The following MIR2052HG variants were observed in gnomAD, a reference collection of about 807,000 sequenced individuals.
The protein encoded by MIR2052HG is MIR2052 host gene.
intron 4 of MIR2052HG, among the ~76,000 whole-genome samples, chr8:74,745,711 G>T (rs1334981146): frequency 6.6e-6 from 1 of 152,176 alleles, no homozygotes; most frequent in Non-Finnish European, 1.5e-5. Flanking sequence ...TATGTGGATG[G>T]CTACAGCTAT....
chr8:74,680,840 T>G (rs1379952315), intron 2 of MIR2052HG, among the ~76,000 whole-genome samples: 1 of 151,086 alleles, frequency 6.6e-6, no homozygotes, highest in Admixed American at 6.6e-5. Context: ...TAGACTGGAT[T>G]AAGAAAATGT....
intron 2 of MIR2052HG, among the ~76,000 whole-genome samples, chr8:74,701,797 T>C (rs574429941): frequency 6.6e-6 from 1 of 152,254 alleles, no homozygotes; most frequent in Non-Finnish European, 1.5e-5. Flanking sequence ...AGAAAGTCAA[T>C]GGTCTCAAAA....
intron 2 of MIR2052HG, among the ~76,000 whole-genome samples, chr8:74,645,562 G>A (rs922628475): frequency 2.0e-5 from 3 of 152,208 alleles, no homozygotes; most frequent in South Asian, 2.1e-4. Context: ...TGGGATTACC[G>A]GCGCGAGCCA....
intron 2 of MIR2052HG, among the ~76,000 whole-genome samples, chr8:74,675,536 A>G (rs1809041795): frequency 6.6e-6 from 1 of 152,016 alleles, no homozygotes; most frequent in South Asian, 2.1e-4. Flanking sequence ...CAATCCCTGA[A>G]GATACCACAG....
At chr8:74,636,207 C>G (rs115150802) in intron 2 of MIR2052HG, among the ~76,000 whole-genome samples, 1,698 of 152,240 alleles carry the variant, frequency 0.011, 26 homozygotes, top group African/African-American at 0.038. Flanking sequence ...CCAGAAGGTT[C>G]AGAAGTTGAC....
At chr8:74,611,755 C>T (rs1431842963) in intron 1 of MIR2052HG, among the ~76,000 whole-genome samples, 1 of 152,128 alleles carries the variant, frequency 6.6e-6, no homozygotes, top group Non-Finnish European at 1.5e-5. Flanking sequence ...TTTATGGCTC[C>T]TCATGTAAAT....
At chr8:74,723,043 A>T (rs996085223) in intron 4 of MIR2052HG, among the ~76,000 whole-genome samples, 2 of 152,210 alleles carry the variant, frequency 1.3e-5, no homozygotes, top group Non-Finnish European at 2.9e-5. Flanking sequence ...CTTGAATTTC[A>T]TGATAGAAAT....
rs72103010 is a variant in MIR2052HG at position 74,746,567 on chromosome 8, A to AGTGTGTGTGTGTGTGT, written n.372-5857_372-5842dup. 7.2e-3 allele frequency among the ~76,000 whole-genome samples: 1,060 copies of AGTGTGTGTGTGTGTGT among 147,626 alleles called. 6 individuals carry two copies. Among genetic ancestry groups the AGTGTGTGTGTGTGTGT allele is most frequent in the Middle Eastern group, 0.017 (5 of 288 alleles). ...TAAAAGTAATTGTAAGAGGAGAAGAAGTGTGTGTGTGTGTGTGTGTGTGTG... is the reference window on the plus strand; with the variant it reads ...TAAAAGTAATTGTAAGAGGAGAAGAAGTGTGTGTGTGTGTGTGTGTGTGTGTGTGTGTGTGTGTGTG... On this transcript the variant is annotated intron_variant and non_coding_transcript_variant, in intron 4 of 6. Coordinates refer to ENST00000523442, the Ensembl canonical transcript of MIR2052HG.
At chr8:74,664,255 T>C (rs560248365) in intron 2 of MIR2052HG, among the ~76,000 whole-genome samples, 1 of 151,814 alleles carries the variant, frequency 6.6e-6, no homozygotes, top group South Asian at 2.1e-4. Flanking sequence ...AAACTGCATG[T>C]ACCCCAAAAG....
intron 2 of MIR2052HG, among the ~76,000 whole-genome samples, chr8:74,696,936 TAGAG>T (rs1373216210): frequency 1.3e-5 from 2 of 151,622 alleles, no homozygotes; most frequent in East Asian, 3.9e-4. Context: ...TTCCACGAGA[TAGAG>T]AAAGAGGGAA....
chr8:74,684,571 CA>C (rs1189197559), intron 2 of MIR2052HG, among the ~76,000 whole-genome samples: 3 of 151,950 alleles, frequency 2.0e-5, no homozygotes, highest in Non-Finnish European at 4.4e-5. Context: ...TCGAATCCAC[CA>C]AAAAGTCCCC....
chr8:74,612,834 C>CA (rs1278479882), intron 1 of MIR2052HG: 8 of 454,340 alleles, frequency 1.8e-5, no homozygotes, highest in South Asian at 1.2e-4. Context: ...ATCTATTAAA[C>CA]AAAAATGTTT....
intron 1 of MIR2052HG, chr8:74,604,314 C>A: frequency 2.8e-5 from 14 of 501,250 alleles, no homozygotes; most frequent in Middle Eastern, 6.5e-4. Flanking sequence ...GGGTGAAAGC[C>A]AAAAACTGCT....
At chr8:74,727,851 T>TACCTACATAC (rs1563540980) in intron 4 of MIR2052HG, among the ~76,000 whole-genome samples, 1 of 152,136 alleles carries the variant, frequency 6.6e-6, no homozygotes, top group African/African-American at 2.4e-5. Flanking sequence ...TTCTATGTGG[T>TACCTACATAC]TTTATTAAGG....
intron 4 of MIR2052HG, among the ~76,000 whole-genome samples, chr8:74,742,265 C>T (rs1563544547): frequency 6.6e-6 from 1 of 152,114 alleles, no homozygotes; most frequent in Non-Finnish European, 1.5e-5. Context: ...CAAGAATGCA[C>T]TTATACTTTT....
At chr8:74,677,334 T>C (rs1809063238) in intron 2 of MIR2052HG, among the ~76,000 whole-genome samples, 1 of 151,990 alleles carries the variant, frequency 6.6e-6, no homozygotes, top group Non-Finnish European at 1.5e-5. Context: ...TATGCTTAAA[T>C]AAATAGATAT....
intron 1 of MIR2052HG, among the ~76,000 whole-genome samples, chr8:74,601,732 C>T (rs931724915): frequency 3.9e-5 from 6 of 152,146 alleles, no homozygotes; most frequent in Non-Finnish European, 8.8e-5. Context: ...AAAATATCAA[C>T]ACAGTAAACA....
chr8:74,636,131 C>T (rs1385136527), intron 2 of MIR2052HG, among the ~76,000 whole-genome samples: 1 of 152,110 alleles, frequency 6.6e-6, no homozygotes, highest in East Asian at 1.9e-4. Flanking sequence ...ACTTAGTAAG[C>T]CACGCTTGGC....
At chr8:74,614,002 T>G (rs1808240265) in intron 2 of MIR2052HG, among the ~76,000 whole-genome samples, 1 of 152,258 alleles carries the variant, frequency 6.6e-6, no homozygotes, top group African/African-American at 2.4e-5. Flanking sequence ...GACTTTTTCC[T>G]GTAATTTGAG....
Sources: allele counts gnomAD v4.1 joint callset (sites outside exome capture counted in the v4.1 genomes callset), GRCh38; gene constraint gnomAD v4.1.1; transcripts MANE v1.5; gene names NCBI Gene and HGNC (gene_info 2026-07-23, HGNC 2026-07-21).